PPFIBP1: variants seen among roughly 807,000 people sequenced by gnomAD.
PPFIBP1 encodes the protein liprin-beta-1.
PPFIBP1 carries 112 observed loss-of-function variants against 137.8 expected under a neutral mutation model. The observed-to-expected ratio is 0.81, with a 90% confidence interval of 0.70 to 0.95. The LOEUF is 0.95. Among genes scored for constraint, PPFIBP1 ranks in the 40% least tolerant of loss-of-function variants. PPFIBP1 has a pLI of 0.00. For synonymous variants in PPFIBP1, 378 were observed against 417.3 expected (o/e 0.91, Z 1.15); for missense variants, 1,083 against 1,196.6 (o/e 0.91, Z 1.40).
chr12:27,651,367 A>C, intron 7 of PPFIBP1, among the ~76,000 whole-genome samples: 1 of 151,988 alleles, frequency 6.6e-6, no homozygotes, highest in East Asian at 1.9e-4. Flanking sequence ...TTGGCCTCCC[A>C]AAAGCACTGA....
chr12:27,636,843 A>G (rs2057714902), intron 4 of PPFIBP1: 2 of 152,142 alleles, frequency 1.3e-5, no homozygotes, highest in Admixed American at 1.3e-4. Context: ...TATTCGCTCC[A>G]CGCCAAGCAC....
intron 1 of PPFIBP1, among the ~76,000 whole-genome samples, chr12:27,568,713 C>T (rs1231311356): frequency 6.6e-6 from 1 of 152,308 alleles, no homozygotes; most frequent in South Asian, 2.1e-4. Context: ...GCTTCCATGA[C>T]CTGTGTTCTT....
At chr12:27,623,726 C>CA (rs141702499) in intron 2 of PPFIBP1, among the ~76,000 whole-genome samples, 11,911 of 151,766 alleles carry the variant, frequency 0.078, 650 homozygotes, top group East Asian at 0.12. Context: ...ACAAAACAAA[C>CA]AAAAAAACAA....
At position 27,567,829 on chromosome 12, in the gene PPFIBP1, T is replaced by C. The variant is rs74940339; in HGVS notation, c.-123-10323T>C. 5.3e-5 allele frequency among the ~76,000 whole-genome samples: 8 copies of C among 152,302 alleles called. No individual in the cohort carries two copies. The East Asian group carries it at 1.5e-3, about 29-fold the overall frequency. On this transcript the variant is annotated intron_variant, in intron 1 of 29. Transcript: ENST00000228425. ...ATCCTGGCTCAGCATTCAGATCAAG[T>C]AGATATTGTCGGGACACTGATTGAA...
At chr12:27,598,718 C>G (rs142460347) in intron 2 of PPFIBP1, among the ~76,000 whole-genome samples, 150 of 152,220 alleles carry the variant, frequency 9.9e-4, no homozygotes, top group East Asian at 9.8e-3. Context: ...CCTTAGGATG[C>G]CATGCTGAGG....
At chr12:27,530,639 C>G (rs1464843074) in intron 1 of PPFIBP1, among the ~76,000 whole-genome samples, 1 of 152,176 alleles carries the variant, frequency 6.6e-6, no homozygotes, top group African/African-American at 2.4e-5. Flanking sequence ...GTAACTGAAC[C>G]CATTTTGTTT....
At chr12:27,603,646 G>A (rs1427814667) in intron 2 of PPFIBP1, among the ~76,000 whole-genome samples, 1 of 152,122 alleles carries the variant, frequency 6.6e-6, no homozygotes, top group Non-Finnish European at 1.5e-5. Context: ...CTGGATTCTG[G>A]CCATCATGGT....
Position 27,693,090 on chromosome 12 carries a change from G to T in PPFIBP1, c.*208G>T. The T allele has an allele frequency of 3.4e-6, 2 of 593,216 alleles. No individual in the cohort carries two copies. Among genetic ancestry groups the T allele is most frequent in the Non-Finnish European group, 2.6e-6 (1 of 381,624 alleles). 36.7% of individuals were successfully genotyped at this position (593,216 alleles called of 1,614,324 possible). A position where few individuals can be genotyped will look rare whatever the true frequency, so the allele number is the denominator to read the frequency against. The stretch of plus-strand genomic sequence containing the variant: ...GACACTGGTGAATGAGAGTATAATT[G>T]TTTTTCTTCTATTTAATGTAAAAAT... On this transcript the variant is annotated 3_prime_UTR_variant, in exon 30 of 30. Coordinates refer to ENST00000228425, the MANE Select transcript of PPFIBP1 (RefSeq NM_003622.4).
At chr12:27,604,906 T>G (rs533709890) in intron 2 of PPFIBP1, among the ~76,000 whole-genome samples, 1 of 152,296 alleles carries the variant, frequency 6.6e-6, no homozygotes, top group Non-Finnish European at 1.5e-5. Context: ...CTTACATGGA[T>G]GGCGGGAAGC....
In PPFIBP1 at chr12:27,682,456, G is replaced by A. The variant is rs1223848092; in HGVS notation, c.2116G>A (p.Glu706Lys). Residue 706 changes from glutamate to lysine, a missense_variant, in exon 23 of 30, where the codon GAA becomes AAA. By Grantham distance (56) the Glu-to-Lys change is moderately conservative. Transcript: ENST00000228425. ...QLALQALGSE[E>K]ETNHGKLDFN... is the part of the protein sequence containing the mutation. Reference sequence around the variant, plus strand: ...AGCACTCCAAGCCCTGGGATCTGAAGAAGAAACCAATCATGGGAAGCTGGA... The same window carrying A: ...AGCACTCCAAGCCCTGGGATCTGAAAAAGAAACCAATCATGGGAAGCTGGA... 1 of 1,614,128 alleles carries A rather than the reference G, an allele frequency of 6.2e-7. No homozygotes were observed. The highest frequency in any genetic ancestry group is 1.3e-5 in the African/African-American group (1 of 75,068).
intron 18 of PPFIBP1, 75 bp from the exon 19 acceptor site, chr12:27,676,989 G>C: frequency 6.2e-7 from 1 of 1,602,216 alleles, no homozygotes; most frequent in Non-Finnish European, 8.6e-7. Context: ...AGTCTGATCT[G>C]CATTTCATTT....
chr12:27,567,802 T>G (rs1425421536), intron 1 of PPFIBP1, among the ~76,000 whole-genome samples: 2 of 152,218 alleles, frequency 1.3e-5, no homozygotes, highest in Non-Finnish European at 2.9e-5. Flanking sequence ...CAGTGAAGTT[T>G]AATCCTGGCT....
At chr12:27,672,628 G>A (rs1257956415) in intron 15 of PPFIBP1, 145 bp downstream of exon 15, 2 of 647,316 alleles carry the variant, frequency 3.1e-6, no homozygotes, top group Admixed American at 3.0e-5. Flanking sequence ...ATAATTGGGT[G>A]GGGGTGAAGG....
intron 2 of PPFIBP1, chr12:27,592,502 T>C (rs2052641796): frequency 5.0e-6 from 6 of 1,203,554 alleles, no homozygotes; most frequent in Non-Finnish European, 7.2e-6. Flanking sequence ...GGTTGAATTC[T>C]CTTGCCTCTG....
chr12:27,558,596 A>AACACAC (rs71039821), intron 1 of PPFIBP1, among the ~76,000 whole-genome samples: 3,241 of 119,786 alleles, frequency 0.027, 329 homozygotes, highest in Non-Finnish European at 0.028. Context: ...CCTCTCCACC[A>AACACAC]ACACACACAC....
chr12:27,556,266 A>G (rs2048695310), intron 1 of PPFIBP1, among the ~76,000 whole-genome samples: 1 of 152,242 alleles, frequency 6.6e-6, no homozygotes, highest in Non-Finnish European at 1.5e-5. Flanking sequence ...GAGCATTAAC[A>G]TTCATTACTG....
In PPFIBP1 at chr12:27,578,814, A is replaced by G. The variant is rs370371347; in HGVS notation, c.-36+575A>G. Reference sequence around the variant, plus strand: ...TGTTTCTGAATGCTTGCCGTGTACCAGGCATGGCCCTGACACTACTTATTA... The same window carrying G: ...TGTTTCTGAATGCTTGCCGTGTACCGGGCATGGCCCTGACACTACTTATTA... On this transcript the variant is annotated intron_variant, in intron 2 of 29. Transcript: ENST00000228425. 6.7e-4 allele frequency among the ~76,000 whole-genome samples: 102 copies of G among 152,338 alleles called. 1 individual carries two copies. The highest frequency in any genetic ancestry group is 3.4e-3 in the Middle Eastern group (1 of 294).
chr12:27,641,032 G>A (rs2058077259), intron 4 of PPFIBP1, among the ~76,000 whole-genome samples: 1 of 152,170 alleles, frequency 6.6e-6, no homozygotes, highest in Non-Finnish European at 1.5e-5. Context: ...ATGAAATCAA[G>A]ACTGCGTGAC....
chr12:27,567,975 T>C (rs1437630934), intron 1 of PPFIBP1, among the ~76,000 whole-genome samples: 1 of 152,204 alleles, frequency 6.6e-6, no homozygotes, highest in Non-Finnish European at 1.5e-5. Flanking sequence ...CAAGCAATCC[T>C]CCTGCCTCAG....
Sources: allele counts gnomAD v4.1 joint callset (sites outside exome capture counted in the v4.1 genomes callset), GRCh38; gene constraint gnomAD v4.1.1; transcripts MANE v1.5; gene names NCBI Gene and HGNC (gene_info 2026-07-23, HGNC 2026-07-21).